The following SLC25A31 variants were observed in gnomAD, a reference collection of about 807,000 sequenced individuals.
SLC25A31 encodes solute carrier family 25 member 31, also known as ADP/ATP translocase 4.
In SLC25A31, 40 loss-of-function variants were observed where a neutral mutation model predicts 36.2. That is an observed-to-expected ratio of 1.10 (90% CI 0.86 to 1.44). The LOEUF is 1.44. Among genes scored for constraint, SLC25A31 ranks in the 40% most tolerant of loss-of-function variants. The probability of loss-of-function intolerance (pLI) is 0.00; values close to 1 mark genes in which losing one functional copy is unlikely to be tolerated. For missense variants in SLC25A31, 350 were observed against 397.1 expected, an observed-to-expected ratio of 0.88 and a Z score of 1.01; for synonymous variants, 143 against 149.7, an observed-to-expected ratio of 0.96 and a Z score of 0.32.
At position 127,773,588 on chromosome 4, in the gene SLC25A31, T is replaced by TAA; in HGVS notation, c.*14_*15insAA. 1.3e-6 allele frequency: 2 copies of TAA among 1,544,122 alleles called. No homozygotes were observed. The highest frequency in any genetic ancestry group is 1.7e-6 in the Non-Finnish European group (2 of 1,147,310). On this transcript the variant is annotated 3_prime_UTR_variant, in exon 6 of 6. Coordinates refer to ENST00000281154, the MANE Select transcript of SLC25A31 (RefSeq NM_031291.4). The stretch of plus-strand genomic sequence containing the variant: ...GGTGGTAGGTAATCGGGAGAGTAAA[T>TAA]TAAGAAATACATGGATTTAACTTGT...
chr4:127,763,662 C>T (rs1488397223), intron 2 of SLC25A31, among the ~76,000 whole-genome samples: 1 of 152,162 alleles, frequency 6.6e-6, no homozygotes, highest in Non-Finnish European at 1.5e-5. Context: ...TTGATGTCTG[C>T]CAATCTCCAT....
intron 1 of SLC25A31, among the ~76,000 whole-genome samples, chr4:127,736,690 G>T (rs988376778): frequency 3.3e-5 from 5 of 152,082 alleles, no homozygotes; most frequent in Non-Finnish European, 5.9e-5. Flanking sequence ...GTGGTATACT[G>T]GTATAATAAC....
Position 127,734,869 on chromosome 4 carries a change from A to G in SLC25A31, c.232+4092A>G, listed in dbSNP as rs146245589. ...GCATTGTCCCCTATGCTTGGGCCCA[A>G]TGTCAGTTACATATCACGGGACATT... is the stretch of plus-strand genomic sequence containing the variant. On this transcript the variant is annotated intron_variant, in intron 1 of 5. Transcript: ENST00000281154. Among the ~76,000 whole-genome samples the G allele has an allele frequency of 2.6e-5, 4 of 152,284 alleles. No homozygotes were observed. The East Asian group carries it at 7.7e-4, about 29-fold the overall frequency.
intron 2 of SLC25A31, among the ~76,000 whole-genome samples, chr4:127,751,884 A>C (rs1377575047): frequency 6.6e-6 from 1 of 152,112 alleles, no homozygotes; most frequent in East Asian, 1.9e-4. Flanking sequence ...ATCTCACACC[A>C]GTTAGAATGG....
intron 2 of SLC25A31, among the ~76,000 whole-genome samples, chr4:127,745,269 T>C (rs1269061512): frequency 6.6e-6 from 1 of 151,598 alleles, no homozygotes; most frequent in African/African-American, 2.4e-5. Flanking sequence ...TGGAAAATGA[T>C]AAATTTAAAC....
intron 2 of SLC25A31, among the ~76,000 whole-genome samples, chr4:127,763,363 T>A (rs1560639232): frequency 6.6e-6 from 1 of 152,170 alleles, no homozygotes; most frequent in Non-Finnish European, 1.5e-5. Flanking sequence ...CACTTTATTG[T>A]TAGAAATAAA....
At chr4:127,734,958 C>T (rs995381885) in intron 1 of SLC25A31, among the ~76,000 whole-genome samples, 2 of 152,022 alleles carry the variant, frequency 1.3e-5, no homozygotes, top group Non-Finnish European at 2.9e-5. Flanking sequence ...CACCCTTCCT[C>T]AATAATATAT....
At position 127,759,213 on chromosome 4, in the gene SLC25A31, T is replaced by G. The variant is rs76924516; in HGVS notation, c.361-5030T>G. 2.2e-4 allele frequency among the ~76,000 whole-genome samples: 28 copies of G among 124,732 alleles called. 1 individual carries two copies. The highest frequency in any genetic ancestry group is 8.1e-4 in the African/African-American group (27 of 33,220). 81.8% of individuals were successfully genotyped at this position (124,732 alleles called of 152,430 possible). A position where few individuals can be genotyped will look rare whatever the true frequency, so the allele number is the denominator to read the frequency against. On this transcript the variant is annotated intron_variant, in intron 2 of 5. Coordinates refer to ENST00000281154, the MANE Select transcript of SLC25A31 (RefSeq NM_031291.4). ...TTCTTGGTGAAATGTATTCCTATGG[T>G]TTTTTTTTTTTTTGTGGCTACTATA... is the stretch of plus-strand genomic sequence containing the variant.
intron 1 of SLC25A31, 84 bp downstream of exon 1, chr4:127,730,861 A>AT: frequency 7.8e-7 from 1 of 1,284,856 alleles, no homozygotes; most frequent in Non-Finnish European, 1.1e-6. Flanking sequence ...GAGGGGCATG[A>AT]TTGTGGGCCC....
intron 3 of SLC25A31, among the ~76,000 whole-genome samples, chr4:127,765,561 G>T (rs892168343): frequency 3.9e-5 from 6 of 152,060 alleles, no homozygotes; most frequent in African/African-American, 1.4e-4. Flanking sequence ...CAGATACAGG[G>T]CGTGTGTGAG....
At chr4:127,764,571 A>G (rs976124700) in intron 3 of SLC25A31, among the ~76,000 whole-genome samples, 19 of 152,230 alleles carry the variant, frequency 1.2e-4, no homozygotes, top group African/African-American at 4.3e-4. Flanking sequence ...TAACAAAAAA[A>G]GTGAACATAA....
intron 1 of SLC25A31, among the ~76,000 whole-genome samples, chr4:127,744,114 C>T (rs931150481): frequency 2.0e-5 from 3 of 152,154 alleles, no homozygotes; most frequent in Non-Finnish European, 4.4e-5. Context: ...AGATTTCTTC[C>T]CATCTCTCCC....
At chr4:127,733,277 C>A (rs1020675311) in intron 1 of SLC25A31, among the ~76,000 whole-genome samples, 54 of 152,220 alleles carry the variant, frequency 3.5e-4, no homozygotes, top group African/African-American at 1.2e-3. Context: ...GTTGAGTATC[C>A]GAAAAGCTTG....
intron 2 of SLC25A31, among the ~76,000 whole-genome samples, chr4:127,756,920 A>G (rs1220304224): frequency 6.6e-6 from 1 of 152,136 alleles, no homozygotes; most frequent in Non-Finnish European, 1.5e-5. Flanking sequence ...TTAGAAACTA[A>G]CATGCACCCA....
chr4:127,738,376 C>A (rs775533402), intron 1 of SLC25A31, among the ~76,000 whole-genome samples: 14 of 152,188 alleles, frequency 9.2e-5, no homozygotes, highest in Non-Finnish European at 1.9e-4. Context: ...ATGTGAGCCA[C>A]CACGCCTGGC....
At chr4:127,762,693 C>T (rs895482981) in intron 2 of SLC25A31, among the ~76,000 whole-genome samples, 2 of 151,806 alleles carry the variant, frequency 1.3e-5, no homozygotes, top group Non-Finnish European at 2.9e-5. Flanking sequence ...CCTAGGCAGG[C>T]GGATCACGAG....
chr4:127,731,871 TAACA>T (rs1016385500), intron 1 of SLC25A31, among the ~76,000 whole-genome samples: 9 of 152,138 alleles, frequency 5.9e-5, no homozygotes, highest in Non-Finnish European at 2.9e-5. Flanking sequence ...AAAGAATTCA[TAACA>T]AACACAATAT....
At chr4:127,735,050 CTT>C (rs992613095) in intron 1 of SLC25A31, among the ~76,000 whole-genome samples, 1 of 152,118 alleles carries the variant, frequency 6.6e-6, no homozygotes, top group African/African-American at 2.4e-5. Context: ...ATGGACAAAA[CTT>C]TGAAAAAGAT....
chr4:127,757,920 CT>C (rs1732059877), intron 2 of SLC25A31, among the ~76,000 whole-genome samples: 2 of 152,034 alleles, frequency 1.3e-5, no homozygotes. Flanking sequence ...ATACCTGAGA[CT>C]GGGAAGAAAA....
Sources: allele counts gnomAD v4.1 joint callset (sites outside exome capture counted in the v4.1 genomes callset), GRCh38; gene constraint gnomAD v4.1.1; transcripts MANE v1.5; gene names NCBI Gene and HGNC (gene_info 2026-07-23, HGNC 2026-07-21).